GPHN: variants seen among roughly 807,000 people sequenced by gnomAD.
The protein encoded by GPHN is gephyrin.
A neutral mutation model predicts 95.5 loss-of-function variants in GPHN; 17 were observed. That is an observed-to-expected ratio of 0.18 (90% CI 0.12 to 0.27). GPHN has a LOEUF of 0.27. GPHN is among the 10% of genes least tolerant of loss of function. The pLI, the probability that GPHN is intolerant of heterozygous loss-of-function variation, is 1.00. For missense variants in GPHN, 660 were observed against 978.1 expected (o/e 0.67, Z 4.34); for synonymous variants, 320 against 322.5 (o/e 0.99, Z 0.08).
intron 11 of GPHN, among the ~76,000 whole-genome samples, chr14:67,070,494 G>A (rs1355327194): frequency 2.0e-5 from 3 of 149,558 alleles, no homozygotes; most frequent in Admixed American, 6.6e-5. Flanking sequence ...TCAGGAGTTC[G>A]AGGCCAGCCT....
chr14:66,569,770 A>G (rs148459136), intron 1 of GPHN, among the ~76,000 whole-genome samples: 2 of 152,230 alleles, frequency 1.3e-5, no homozygotes, highest in African/African-American at 4.8e-5. Context: ...GAGCTAATTA[A>G]TGTATGCATT....
chr14:67,412,768 TTTTG>T, the GPHN span, among the ~76,000 whole-genome samples: 3 of 151,890 alleles, frequency 2.0e-5, no homozygotes, highest in African/African-American at 7.2e-5. Context: ...TTTTGGGGTT[TTTTG>T]TTTGTTTTTT....
chr14:66,544,069 T>C (rs1324782217), intron 1 of GPHN, among the ~76,000 whole-genome samples: 6 of 152,192 alleles, frequency 3.9e-5, no homozygotes. Context: ...TCTACTTTTA[T>C]TCTTTTCTTT....
chr14:67,296,190 G>A, the GPHN span, among the ~76,000 whole-genome samples: 1 of 152,136 alleles, frequency 6.6e-6, no homozygotes, highest in Non-Finnish European at 1.5e-5. Context: ...AATATACCAG[G>A]AAGCGTAAGA....
intron 1 of GPHN, among the ~76,000 whole-genome samples, chr14:66,567,107 G>A (rs932977674): frequency 3.3e-5 from 5 of 152,038 alleles, no homozygotes; most frequent in Non-Finnish European, 5.9e-5. Flanking sequence ...ACATATTTTT[G>A]GGGCATGGAT....
the GPHN span, chr14:67,592,279 A>T: frequency 1.0e-5 from 2 of 192,626 alleles, no homozygotes; most frequent in Non-Finnish European, 1.1e-5. Context: ...TACTAAAAAT[A>T]AAAAAAAAAA....
At chr14:66,567,015 A>T (rs2060488604) in intron 1 of GPHN, among the ~76,000 whole-genome samples, 1 of 152,230 alleles carries the variant, frequency 6.6e-6, no homozygotes, top group South Asian at 2.1e-4. Context: ...AAATGGAGCT[A>T]GCACTGCTCA....
chr14:67,627,935 C>G, the GPHN span, among the ~76,000 whole-genome samples: 2 of 152,092 alleles, frequency 1.3e-5, no homozygotes, highest in African/African-American at 2.4e-5. Context: ...GGTTCTTTGA[C>G]TTCTAAAGTC....
chr14:66,904,497 G>A (rs2065276396), intron 5 of GPHN, among the ~76,000 whole-genome samples: 1 of 152,096 alleles, frequency 6.6e-6, no homozygotes. Context: ...GCACTGATTG[G>A]TACGTTTTAC....
chr14:67,435,868 C>G, the GPHN span, among the ~76,000 whole-genome samples: 1 of 152,210 alleles, frequency 6.6e-6, no homozygotes, highest in South Asian at 2.1e-4. Flanking sequence ...GTCCTTAGGA[C>G]AGTTCACTGA....
At chr14:66,861,495 G>A (rs1395732643) in intron 4 of GPHN, among the ~76,000 whole-genome samples, 1 of 151,910 alleles carries the variant, frequency 6.6e-6, no homozygotes, top group African/African-American at 2.4e-5. Context: ...AGAACAAATG[G>A]ACCTAATAGA....
At chr14:67,224,361 C>A in the GPHN span, among the ~76,000 whole-genome samples, 2 of 151,356 alleles carry the variant, frequency 1.3e-5, no homozygotes, top group African/African-American at 4.9e-5. Flanking sequence ...CAGGTTCAAG[C>A]GATTCTCTTG....
chr14:67,406,714 T>C, the GPHN span, among the ~76,000 whole-genome samples: 1 of 152,200 alleles, frequency 6.6e-6, no homozygotes, highest in Non-Finnish European at 1.5e-5. Context: ...GGAGCTCAGC[T>C]GGAGGCTGCT....
At chr14:67,119,618 C>A (rs928335870) in intron 16 of GPHN, among the ~76,000 whole-genome samples, 2 of 151,990 alleles carry the variant, frequency 1.3e-5, no homozygotes, top group Non-Finnish European at 2.9e-5. Context: ...TAGAGAAACA[C>A]CATCTCTACT....
chr14:66,842,862 G>C (rs2062153792), intron 4 of GPHN: 1 of 638,170 alleles, frequency 1.6e-6, no homozygotes, highest in Non-Finnish European at 2.7e-6. Flanking sequence ...CTATGTTCTA[G>C]GGTCATTCTG....
chr14:67,148,212 C>A (rs979468886), intron 18 of GPHN, among the ~76,000 whole-genome samples: 2 of 152,042 alleles, frequency 1.3e-5, no homozygotes, highest in Admixed American at 6.5e-5. Flanking sequence ...TTTTTTATTT[C>A]TTTAAATAAA....
chr14:67,238,131 A>G, the GPHN span, among the ~76,000 whole-genome samples: 1 of 151,930 alleles, frequency 6.6e-6, no homozygotes, highest in Non-Finnish European at 1.5e-5. Context: ...TCCAGTTTCT[A>G]TACCTTTCAC....
At chr14:66,779,405 C>A (rs2059523285) in intron 3 of GPHN, among the ~76,000 whole-genome samples, 1 of 152,068 alleles carries the variant, frequency 6.6e-6, no homozygotes, top group Admixed American at 6.5e-5. Flanking sequence ...GATATTACTT[C>A]TTGAAATATA....
At chr14:66,964,178 A>G (rs766558881) in intron 8 of GPHN, among the ~76,000 whole-genome samples, 4 of 152,076 alleles carry the variant, frequency 2.6e-5, no homozygotes, top group Non-Finnish European at 5.9e-5. Flanking sequence ...ATATTTTTAG[A>G]ATAATGATAA....
Sources: allele counts gnomAD v4.1 joint callset (sites outside exome capture counted in the v4.1 genomes callset), GRCh38; gene constraint gnomAD v4.1.1; transcripts MANE v1.5; gene names NCBI Gene and HGNC (gene_info 2026-07-23, HGNC 2026-07-21).